RIMS4: variants seen among roughly 807,000 people sequenced by gnomAD.
RIMS4 encodes the protein regulating synaptic membrane exocytosis protein 4.
RIMS4 carries 9 observed loss-of-function variants against 29.0 expected under a neutral mutation model. The ratio of observed to expected loss-of-function variants is 0.31; its 90% CI spans 0.19 to 0.54. The LOEUF is 0.54. Ranked by LOEUF, RIMS4 falls within the 20% of genes least tolerant of loss-of-function variation. The probability of loss-of-function intolerance (pLI) is 0.94; values close to 1 mark genes in which losing one functional copy is unlikely to be tolerated. For synonymous variants in RIMS4, 130 were observed against 152.9 expected (o/e 0.85, Z 1.10); for missense variants, 193 against 365.7 (o/e 0.53, Z 3.85).
Position 44,756,230 on chromosome 20 carries a change from G to C in RIMS4, c.714C>G (p.Thr238=), listed in dbSNP as rs1262256799. 1.9e-6 allele frequency: 3 copies of C among 1,613,856 alleles called. No individual in the cohort carries two copies. In the African/African-American group the frequency reaches 4.0e-5, roughly 22 times the overall value. The part of the protein sequence containing the change: ...LAVGWYKLFP[T]SSMVDPATGP... ...CTGTGGCTGGGTCCACCATGGAGGAGGTGGGGAAGAGCTTGTACCAGCCCA... is the reference window on the plus strand; with the variant it reads ...CTGTGGCTGGGTCCACCATGGAGGACGTGGGGAAGAGCTTGTACCAGCCCA... The change falls in exon 6 of 6, where the codon ACC becomes ACG. Residue 238 remains threonine, a synonymous_variant. Coordinates refer to ENST00000372851, the MANE Select transcript of RIMS4 (RefSeq NM_182970.4). This position sits in a 1 kb window ranked among gnomAD's most constrained non-coding sequence, Gnocchi z 5.9.
Position 44,752,920 on chromosome 20 carries a change from G to A in RIMS4, c.*3214C>T, listed in dbSNP as rs2145438779. ...TGGGCCAGCCCCCAAGGAGAGCTGA[G>A]TCTCCCTGGCAACCCTCTCCCCCAG... On this transcript the variant is annotated 3_prime_UTR_variant, in exon 6 of 6. Coordinates refer to ENST00000372851, the MANE Select transcript of RIMS4 (RefSeq NM_182970.4). 1 of 152,898 alleles carries A rather than the reference G, an allele frequency of 6.5e-6. No homozygotes were observed. Among genetic ancestry groups the A allele is most frequent in the South Asian group, 2.1e-4 (1 of 4,832 alleles). The allele number at this position is 152,898 out of a possible 1,614,324, so 9.5% of individuals were successfully genotyped here.
chr20:44,788,747 G>C (rs1424574627), intron 1 of RIMS4, among the ~76,000 whole-genome samples: 1 of 152,008 alleles, frequency 6.6e-6, no homozygotes, highest in Non-Finnish European at 1.5e-5. Flanking sequence ...GGGTGACAGA[G>C]AAAGACCCTG....
chr20:44,756,962 G>A lies in RIMS4; in HGVS notation c.527C>T (p.Ser176Leu). 6 of 1,614,116 alleles carry A rather than the reference G, an allele frequency of 3.7e-6. No individual in the cohort carries two copies. Among genetic ancestry groups the A allele is most frequent in the Non-Finnish European group, 5.1e-6 (6 of 1,180,004 alleles). Residue 176 changes from serine to leucine, a missense_variant, in exon 5 of 6, where the codon TCG becomes TTG. Physicochemically the swap from Ser to Leu is moderately radical, Grantham distance 145. Coordinates refer to ENST00000372851, the MANE Select transcript of RIMS4 (RefSeq NM_182970.4). The surrounding 1 kb of genome is among the most constrained non-coding windows in gnomAD (Gnocchi z 5.9). ...CACCTGGTTATACAGTGGGTCCAGCGACTTGCGAGCGACTTTGGTCTTCTT... is the reference window on the plus strand; with the variant it reads ...CACCTGGTTATACAGTGGGTCCAGCAACTTGCGAGCGACTTTGGTCTTCTT... ...AKKKTKVARK[S>L]LDPLYNQVLL...
chr20:44,810,218 G>A lies in RIMS4; in HGVS notation c.54C>T (p.Ala18=). The A allele has an allele frequency of 2.5e-6, 4 of 1,583,534 alleles. No individual in the cohort carries two copies. The highest frequency in any genetic ancestry group is 1.1e-5 in the South Asian group (1 of 89,134). The part of the protein sequence containing the change: ...LSLSASFEAL[A]IYFPCMNSFD... Reference sequence around the variant, plus strand: ...AGGAGTTCATGCACGGGAAGTAGATGGCGAGCGCCTCGAAGGAGGCGGACA... The same window carrying A: ...AGGAGTTCATGCACGGGAAGTAGATAGCGAGCGCCTCGAAGGAGGCGGACA... Residue 18 remains alanine (A), a synonymous_variant, in exon 1 of 6, where the codon GCC becomes GCT. Transcript: ENST00000372851.
rs115471839 is a variant in RIMS4 at position 44,780,950 on chromosome 20, G to A, written c.98-9537C>T. On this transcript the variant is annotated intron_variant, in intron 1 of 5. Transcript: ENST00000372851. Reference sequence around the variant, plus strand: ...TGAGAATCAACTGGGTAATAAATATGGAATGTGCTTTGTAACTCTAAAGGG... The same window carrying A: ...TGAGAATCAACTGGGTAATAAATATAGAATGTGCTTTGTAACTCTAAAGGG... 7.4e-3 allele frequency among the ~76,000 whole-genome samples: 1,134 copies of A among 152,276 alleles called. 16 individuals carry two copies. Among genetic ancestry groups the A allele is most frequent in the African/African-American group, 0.026 (1,077 of 41,558 alleles).
At chr20:44,804,436 T>G (rs1327598762) in intron 1 of RIMS4, among the ~76,000 whole-genome samples, 1 of 151,890 alleles carries the variant, frequency 6.6e-6, no homozygotes, top group Non-Finnish European at 1.5e-5. Context: ...TGGGAGAAGG[T>G]TTATAGTGGG....
chr20:44,761,214 C>T (rs2066083454), intron 2 of RIMS4, among the ~76,000 whole-genome samples: 2 of 152,190 alleles, frequency 1.3e-5, no homozygotes, highest in Non-Finnish European at 2.9e-5. Context: ...CTTATTAATT[C>T]ATTTCAGCCT....
intron 1 of RIMS4, among the ~76,000 whole-genome samples, chr20:44,793,031 G>A (rs983091060): frequency 4.6e-5 from 7 of 152,102 alleles, no homozygotes; most frequent in African/African-American, 9.7e-5. Flanking sequence ...AGGAGGCAGC[G>A]TTTTTAAAAT....
At position 44,756,386 on chromosome 20, in the gene RIMS4, G is replaced by A; in HGVS notation, c.592-34C>T. Reference sequence around the variant, plus strand: ...CAAGAGACACAGTGGTTCAAATCCTGCCAGTGCCACTCACAGGCCCAGAAG... The same window carrying A: ...CAAGAGACACAGTGGTTCAAATCCTACCAGTGCCACTCACAGGCCCAGAAG... On this transcript the variant is annotated intron_variant, in intron 5 of 5. Coordinates refer to ENST00000372851, the MANE Select transcript of RIMS4 (RefSeq NM_182970.4). The surrounding 1 kb of genome is among the most constrained non-coding windows in gnomAD (Gnocchi z 5.9). 6.3e-7 allele frequency: 1 copy of A among 1,581,526 alleles called. No homozygotes were observed.
At chr20:44,790,272 G>A (rs2066227239) in intron 1 of RIMS4, among the ~76,000 whole-genome samples, 1 of 152,188 alleles carries the variant, frequency 6.6e-6, no homozygotes, top group Non-Finnish European at 1.5e-5. Flanking sequence ...AGGCCACGGA[G>A]CCACTAAAGG....
chr20:44,795,149 CA>C (rs2066249111), intron 1 of RIMS4, among the ~76,000 whole-genome samples: 1 of 152,200 alleles, frequency 6.6e-6, no homozygotes, highest in Non-Finnish European at 1.5e-5. Context: ...ATTTATTGAG[CA>C]CTAATTATGT....
intron 1 of RIMS4, among the ~76,000 whole-genome samples, chr20:44,786,576 G>A (rs1040921203): frequency 7.2e-5 from 11 of 152,214 alleles, no homozygotes; most frequent in Non-Finnish European, 1.5e-4. Flanking sequence ...CTAGTCTAGG[G>A]TGGAAGACAG....
At chr20:44,795,649 A>C (rs1293404257) in intron 1 of RIMS4, among the ~76,000 whole-genome samples, 1 of 151,962 alleles carries the variant, frequency 6.6e-6, no homozygotes. Flanking sequence ...AAAAATAGGG[A>C]TAGCCCCCAA....
chr20:44,766,696 C>A (rs1194714794), intron 2 of RIMS4, among the ~76,000 whole-genome samples: 1 of 152,150 alleles, frequency 6.6e-6, no homozygotes, highest in African/African-American at 2.4e-5. Flanking sequence ...TCTGCAAGAA[C>A]CCCAGATTTC....
intron 1 of RIMS4, among the ~76,000 whole-genome samples, chr20:44,794,785 T>C (rs1200060701): frequency 6.6e-6 from 1 of 152,132 alleles, no homozygotes; most frequent in Non-Finnish European, 1.5e-5. Flanking sequence ...CACCAGGAGA[T>C]ATCACTATCC....
In RIMS4 at chr20:44,752,725, T is replaced by A. The variant is rs2066039654; in HGVS notation, c.*3409A>T. 6.6e-6 allele frequency: 1 copy of A among 152,376 alleles called. No individual in the cohort carries two copies. Among genetic ancestry groups the A allele is most frequent in the South Asian group, 2.1e-4 (1 of 4,830 alleles). The allele number at this position is 152,376 out of a possible 1,614,324, so 9.4% of individuals were successfully genotyped here. On this transcript the variant is annotated 3_prime_UTR_variant, in exon 6 of 6. Coordinates refer to ENST00000372851, the MANE Select transcript of RIMS4 (RefSeq NM_182970.4). ...CTGCATCTGAAGGTTTGGGGAGGACTTGCCTGAAATGAGGCGCCCACAGCT... is the reference window on the plus strand; with the variant it reads ...CTGCATCTGAAGGTTTGGGGAGGACATGCCTGAAATGAGGCGCCCACAGCT...
rs942212605 is a variant in RIMS4 at position 44,751,970 on chromosome 20, G to C, written c.*4164C>G. On this transcript the variant is annotated 3_prime_UTR_variant, in exon 6 of 6. Transcript: ENST00000372851. ...AATGAGGGAAAGGTGGGTGGATGGAGAGAGGCCCCCAGCCTAAGGACCCAG... is the reference window on the plus strand; with the variant it reads ...AATGAGGGAAAGGTGGGTGGATGGACAGAGGCCCCCAGCCTAAGGACCCAG... 5 of 152,356 alleles carry C rather than the reference G, an allele frequency of 3.3e-5. No homozygotes were observed. The highest frequency in any genetic ancestry group is 1.2e-4 in the African/African-American group (5 of 41,564). The allele number at this position is 152,356 out of a possible 1,614,324, so 9.4% of individuals were successfully genotyped here.
chr20:44,771,015 G>C (rs940130378), intron 2 of RIMS4, among the ~76,000 whole-genome samples: 1 of 152,214 alleles, frequency 6.6e-6, no homozygotes, highest in Non-Finnish European at 1.5e-5. Flanking sequence ...GGAAACTGTG[G>C]CTTAGAGACC....
chr20:44,778,098 T>C (rs559134542), intron 1 of RIMS4, among the ~76,000 whole-genome samples: 23 of 152,286 alleles, frequency 1.5e-4, no homozygotes, highest in African/African-American at 5.5e-4. Flanking sequence ...TTGAAGTCCA[T>C]CTGAAAATCA....
Sources: gnomAD v4.1 joint callset for allele counts (sites outside exome capture counted in the v4.1 genomes callset) on GRCh38, gnomAD v4.1.1 for gene constraint, Gnocchi (gnomAD v3.1) non-coding constraint, MANE v1.5 for transcripts, NCBI Gene and HGNC (gene_info 2026-07-23, HGNC 2026-07-21) for gene names.